The following ADAMTSL1 variants were observed in gnomAD, a reference collection of about 807,000 sequenced individuals.
ADAMTSL1 encodes ADAMTS-like protein 1.
Under a neutral mutation model 201.8 loss-of-function variants are expected in ADAMTSL1, and 126 were observed. That is an observed-to-expected ratio of 0.62 (90% CI 0.54 to 0.72). The LOEUF (loss-of-function observed/expected upper bound fraction) is 0.72, where lower values mean the gene tolerates loss of function less well. ADAMTSL1 is among the 30% of genes least tolerant of loss of function. The probability of loss-of-function intolerance (pLI) is 0.00; values close to 1 mark genes in which losing one functional copy is unlikely to be tolerated. For missense variants in ADAMTSL1, 2,679 were observed against 2,277.8 expected, an observed-to-expected ratio of 1.18 and a Z score of -3.59; for synonymous variants, 1,121 against 903.4, an observed-to-expected ratio of 1.24 and a Z score of -4.32.
chr9:18,833,117 G>A (rs1051384234), intron 23 of ADAMTSL1, among the ~76,000 whole-genome samples: 7 of 152,196 alleles, frequency 4.6e-5, no homozygotes, highest in African/African-American at 1.7e-4. Context: ...AGCAACACAT[G>A]CACAGGCCCA....
intron 19 of ADAMTSL1, among the ~76,000 whole-genome samples, chr9:18,792,914 T>G (rs547649305): frequency 3.9e-5 from 6 of 152,190 alleles, no homozygotes; most frequent in Admixed American, 2.6e-4. Context: ...TGTTTGACTT[T>G]GAGAAAAAAG....
intron 2 of ADAMTSL1, among the ~76,000 whole-genome samples, chr9:18,168,358 G>A (rs923611385): frequency 3.9e-5 from 6 of 152,124 alleles, no homozygotes; most frequent in Admixed American, 6.5e-5. Context: ...TGCCACCTAT[G>A]AGTGAGAACA....
intron 2 of ADAMTSL1, among the ~76,000 whole-genome samples, chr9:18,220,333 A>T (rs1330167271): frequency 6.6e-6 from 1 of 152,192 alleles, no homozygotes; most frequent in Non-Finnish European, 1.5e-5. Context: ...AAAACATGAT[A>T]GATAAATGGT....
intron 2 of ADAMTSL1, among the ~76,000 whole-genome samples, chr9:18,253,806 C>G (rs566911681): frequency 1.3e-5 from 2 of 152,240 alleles, no homozygotes; most frequent in East Asian, 3.9e-4. Flanking sequence ...AATAACAATT[C>G]CACTAGAATC....
At position 18,770,585 on chromosome 9, in the gene ADAMTSL1, C is replaced by CAA; in HGVS notation, c.2218-17_2218-16insAA. 6.3e-7 allele frequency: 1 copy of CAA among 1,594,702 alleles called. No homozygotes were observed. The highest frequency in any genetic ancestry group is 8.6e-7 in the Non-Finnish European group (1 of 1,168,844). ...TATTGGGTCTACTTTTTCTTCTTTCCTTCTTTCTTTCCCCAGTGTTCCAGA... is the reference window on the plus strand; with the variant it reads ...TATTGGGTCTACTTTTTCTTCTTTCCAATTCTTTCTTTCCCCAGTGTTCCAGA... On this transcript the variant is annotated splice_polypyrimidine_tract_variant and intron_variant, in intron 16 of 28. Transcript: ENST00000380548.
chr9:18,865,049 T>TTTAA (rs1827426911), intron 23 of ADAMTSL1, among the ~76,000 whole-genome samples: 1 of 152,354 alleles, frequency 6.6e-6, no homozygotes, highest in East Asian at 1.9e-4. Context: ...AGTCTCTTTT[T>TTTAA]TTAATTATAC....
At chr9:18,842,670 A>G (rs1056243116) in intron 23 of ADAMTSL1, among the ~76,000 whole-genome samples, 1 of 152,096 alleles carries the variant, frequency 6.6e-6, no homozygotes, top group African/African-American at 2.4e-5. Flanking sequence ...GTGGGAGTCT[A>G]AGTCTCTTTG....
intron 1 of ADAMTSL1, among the ~76,000 whole-genome samples, chr9:18,481,005 G>A (rs928578773): frequency 1.3e-5 from 2 of 152,090 alleles, no homozygotes; most frequent in Non-Finnish European, 2.9e-5. Flanking sequence ...GATCCAAGGG[G>A]AAGGCGAATA....
chr9:18,683,577 T>G (rs1476303172), intron 12 of ADAMTSL1, among the ~76,000 whole-genome samples: 1 of 152,164 alleles, frequency 6.6e-6, no homozygotes, highest in Non-Finnish European at 1.5e-5. Context: ...ATGATGTATG[T>G]ATAGGTACGG....
At chr9:17,931,921 T>C (rs990831324) in intron 1 of ADAMTSL1, among the ~76,000 whole-genome samples, 1 of 152,186 alleles carries the variant, frequency 6.6e-6, no homozygotes, top group Admixed American at 6.6e-5. Flanking sequence ...AATAATCATC[T>C]TCCCCTGTGT....
intron 2 of ADAMTSL1, among the ~76,000 whole-genome samples, chr9:18,380,669 G>C (rs991602564): frequency 3.3e-5 from 5 of 152,182 alleles, no homozygotes; most frequent in African/African-American, 9.7e-5. Flanking sequence ...ACATTTTCAT[G>C]AATAAGCTTT....
intron 1 of ADAMTSL1, among the ~76,000 whole-genome samples, chr9:18,092,135 T>C (rs1318552740): frequency 1.3e-5 from 2 of 152,244 alleles, no homozygotes; most frequent in East Asian, 1.9e-4. Context: ...GCATCGTCTA[T>C]ACTTGGGGCT....
chr9:17,954,073 ATC>A (rs58606848), intron 1 of ADAMTSL1, among the ~76,000 whole-genome samples: 1 of 152,118 alleles, frequency 6.6e-6, no homozygotes, highest in African/African-American at 2.4e-5. Flanking sequence ...GGCTGAGGCA[ATC>A]TCTGTCTCTT....
At chr9:18,513,821 A>G (rs1283700813) in intron 2 of ADAMTSL1, among the ~76,000 whole-genome samples, 4 of 152,146 alleles carry the variant, frequency 2.6e-5, no homozygotes, top group Non-Finnish European at 5.9e-5. Flanking sequence ...ATTGGTGTAT[A>G]TGTCTGTCTT....
At chr9:18,601,811 C>A (rs2151152) in intron 4 of ADAMTSL1, among the ~76,000 whole-genome samples, 97,881 of 151,026 alleles carry the variant, frequency 0.65, 32,294 homozygotes, top group East Asian at 0.76. Context: ...TGTAGCATAT[C>A]TATACATTTC....
chr9:17,980,321 C>G (rs769954375), intron 1 of ADAMTSL1, among the ~76,000 whole-genome samples: 1 of 152,084 alleles, frequency 6.6e-6, no homozygotes, highest in Non-Finnish European at 1.5e-5. Context: ...ACATTACCCC[C>G]CACCACATCT....
chr9:18,080,942 A>C (rs529282877), intron 1 of ADAMTSL1, among the ~76,000 whole-genome samples: 2 of 152,326 alleles, frequency 1.3e-5, no homozygotes, highest in East Asian at 3.9e-4. Context: ...CATATTTATT[A>C]ATATTTTATG....
intron 1 of ADAMTSL1, among the ~76,000 whole-genome samples, chr9:18,055,129 G>A (rs185397799): frequency 7.2e-4 from 110 of 152,310 alleles, no homozygotes; most frequent in African/African-American, 2.5e-3. Flanking sequence ...TTCCTAAAAA[G>A]CATAATGAAA....
At chr9:17,943,827 GA>G (rs1278999973) in intron 1 of ADAMTSL1, among the ~76,000 whole-genome samples, 1 of 152,020 alleles carries the variant, frequency 6.6e-6, no homozygotes, top group Non-Finnish European at 1.5e-5. Context: ...AGGCTATACA[GA>G]AAGCATGGTG....
Sources: gnomAD v4.1 joint callset for allele counts (sites outside exome capture counted in the v4.1 genomes callset) on GRCh38, gnomAD v4.1.1 for gene constraint, MANE v1.5 for transcripts, NCBI Gene and HGNC (gene_info 2026-07-23, HGNC 2026-07-21) for gene names.